Variants in CHLSN observed in about 807,000 individuals in gnomAD.
CHLSN encodes the protein protein cholesin.
chr7:1,053,567 T>C, the CHLSN span, among the ~76,000 whole-genome samples: 21 of 152,110 alleles, frequency 1.4e-4, no homozygotes, highest in Admixed American at 1.2e-3. Flanking sequence ...GTGGCTCACG[T>C]CTGTAATCCC....
chr7:991,351 C>T, the CHLSN span, among the ~76,000 whole-genome samples: 17 of 152,220 alleles, frequency 1.1e-4, no homozygotes, highest in Admixed American at 2.0e-4. Context: ...AGCCAGGGCC[C>T]CCCAAGTTAG....
the CHLSN span, among the ~76,000 whole-genome samples, chr7:987,933 TGG>T: frequency 1.1e-4 from 15 of 135,760 alleles, no homozygotes; most frequent in African/African-American, 4.5e-4. Flanking sequence ...CTGTGTGTCC[TGG>T]GGGGGTCCCC....
chr7:1,016,978 A>AGCAGCGCACAGCAGCACACG, the CHLSN span, among the ~76,000 whole-genome samples: 3 of 64,528 alleles, frequency 4.6e-5, no homozygotes, highest in African/African-American at 1.8e-4. Flanking sequence ...GCCAGCACAC[A>AGCAGCGCACAGCAGCACACG]CCAGCGCACA....
At chr7:1,035,920 G>C in the CHLSN span, among the ~76,000 whole-genome samples, 1 of 152,194 alleles carries the variant, frequency 6.6e-6, no homozygotes, top group Non-Finnish European at 1.5e-5. Flanking sequence ...GATAACTGTA[G>C]TCCATCCAGA....
the CHLSN span, among the ~76,000 whole-genome samples, chr7:996,833 C>T: frequency 3.3e-5 from 5 of 152,226 alleles, no homozygotes; most frequent in African/African-American, 7.2e-5. Context: ...CCGGCCTGAA[C>T]GCAAGCGATC....
chr7:1,080,595 G>T, the CHLSN span, among the ~76,000 whole-genome samples: 1 of 152,252 alleles, frequency 6.6e-6, no homozygotes, highest in Non-Finnish European at 1.5e-5. Context: ...CGCTGCCTGC[G>T]AGCACCGTGC....
the CHLSN span, among the ~76,000 whole-genome samples, chr7:1,115,608 A>G: frequency 1.5e-5 from 2 of 131,376 alleles, no homozygotes; most frequent in African/African-American, 5.6e-5. Context: ...CTACAGCTCT[A>G]GGGATGGCTT....
the CHLSN span, among the ~76,000 whole-genome samples, chr7:1,008,284 C>T: frequency 1.3e-5 from 2 of 152,202 alleles, no homozygotes; most frequent in Non-Finnish European, 2.9e-5. Context: ...GCACTAACGG[C>T]CTCTGAAGCC....
chr7:1,043,838 G>C, the CHLSN span: 1 of 152,264 alleles, frequency 6.6e-6, no homozygotes, highest in African/African-American at 2.4e-5. Flanking sequence ...CACTCGGCCC[G>C]CAGCTCACAG....
the CHLSN span, chr7:1,091,872 G>C: frequency 2.5e-6 from 4 of 1,613,632 alleles, no homozygotes; most frequent in Admixed American, 6.7e-5. Context: ...GGACAGGTGA[G>C]CTCTCGGAGC....
At chr7:1,099,826 G>A in the CHLSN span, among the ~76,000 whole-genome samples, 2,386 of 152,294 alleles carry the variant, frequency 0.016, 51 homozygotes, top group African/African-American at 0.054. Context: ...CTCACTAGGC[G>A]GTTTGCTCAG....
chr7:984,003 C>T, the CHLSN span, among the ~76,000 whole-genome samples: 2 of 152,192 alleles, frequency 1.3e-5, no homozygotes, highest in Admixed American at 6.5e-5. Flanking sequence ...TGGGGTGCTG[C>T]TGGCCGGGCT....
At chr7:1,036,503 G>T in the CHLSN span, among the ~76,000 whole-genome samples, 81 of 151,146 alleles carry the variant, frequency 5.4e-4, no homozygotes, top group East Asian at 0.015. Flanking sequence ...TGTGGGGTTC[G>T]GGTGCTCGTG....
At chr7:1,080,343 C>G in the CHLSN span, among the ~76,000 whole-genome samples, 102 of 152,396 alleles carry the variant, frequency 6.7e-4, no homozygotes, top group African/African-American at 2.1e-3. Context: ...GGCACAGCCC[C>G]CCGTGCTCAG....
chr7:1,099,785 C>T, the CHLSN span, among the ~76,000 whole-genome samples: 14 of 152,222 alleles, frequency 9.2e-5, no homozygotes, highest in South Asian at 4.1e-4. Context: ...AAGCTGTTGT[C>T]TCGTTTGCTG....
chr7:988,612 C>G, the CHLSN span: 36 of 1,603,870 alleles, frequency 2.2e-5, no homozygotes, highest in Non-Finnish European at 3.1e-5. Flanking sequence ...GCAGCCCACT[C>G]TGTGCCTGGA....
the CHLSN span, among the ~76,000 whole-genome samples, chr7:1,084,395 C>CA: frequency 6.6e-6 from 1 of 152,244 alleles, no homozygotes; most frequent in Non-Finnish European, 1.5e-5. Flanking sequence ...CTTCTCCGAA[C>CA]CTCGGGCTGT....
chr7:1,005,773 C>G, the CHLSN span, among the ~76,000 whole-genome samples: 3 of 152,232 alleles, frequency 2.0e-5, no homozygotes, highest in Non-Finnish European at 4.4e-5. Flanking sequence ...GTGACTTGCT[C>G]TCGTCCTCCC....
At chr7:1,050,460 G>A in the CHLSN span, among the ~76,000 whole-genome samples, 1 of 152,256 alleles carries the variant, frequency 6.6e-6, no homozygotes, top group Non-Finnish European at 1.5e-5. Flanking sequence ...GGTCCCTGTG[G>A]CTTGGGAGTC....
Sources: gnomAD v4.1 joint callset for allele counts (sites outside exome capture counted in the v4.1 genomes callset) on GRCh38, gnomAD v4.1.1 for gene constraint, MANE v1.5 for transcripts, NCBI Gene and HGNC (gene_info 2026-07-23, HGNC 2026-07-21) for gene names.